ADGRL2: variants seen among roughly 807,000 people sequenced by gnomAD.
ADGRL2 encodes calcium-independent alpha-latrotoxin receptor 2.
ADGRL2 carries 44 observed loss-of-function variants against 157.4 expected under a neutral mutation model. The ratio of observed to expected loss-of-function variants is 0.28; its 90% CI spans 0.22 to 0.36. ADGRL2 has a LOEUF of 0.36. Ranked by LOEUF, ADGRL2 falls within the 10% of genes least tolerant of loss-of-function variation. The pLI, the probability that ADGRL2 is intolerant of heterozygous loss-of-function variation, is 1.00. For missense variants in ADGRL2, 1,510 were observed against 1,768.9 expected (o/e 0.85, Z 2.63); for synonymous variants, 585 against 624.7 (o/e 0.94, Z 0.95).
At chr1:81,518,924 T>G (rs1459082344) in intron 2 of ADGRL2, among the ~76,000 whole-genome samples, 1 of 152,236 alleles carries the variant, frequency 6.6e-6, no homozygotes, top group East Asian at 1.9e-4. Flanking sequence ...AGCATTACTT[T>G]TTTCTGTCTC....
intron 1 of ADGRL2, among the ~76,000 whole-genome samples, chr1:81,835,405 A>G (rs1037546019): frequency 1.3e-5 from 2 of 152,164 alleles, no homozygotes; most frequent in African/African-American, 4.8e-5. Context: ...CTGACTTTTT[A>G]AAATGCTTTA....
intron 1 of ADGRL2, among the ~76,000 whole-genome samples, chr1:81,801,779 C>T (rs2088194697): frequency 6.6e-6 from 1 of 152,180 alleles, no homozygotes; most frequent in Non-Finnish European, 1.5e-5. Context: ...CCTCGCGCCC[C>T]CGGCGCCCTC....
chr1:81,384,560 C>T (rs1226855937), intron 1 of ADGRL2, among the ~76,000 whole-genome samples: 1 of 152,140 alleles, frequency 6.6e-6, no homozygotes, highest in Admixed American at 6.5e-5. Context: ...AAAAATGAAT[C>T]ATTTTTCTTT....
intron 2 of ADGRL2, among the ~76,000 whole-genome samples, chr1:81,451,624 A>G (rs1400551669): frequency 1.3e-5 from 2 of 152,122 alleles, no homozygotes; most frequent in African/African-American, 4.8e-5. Context: ...AGTTCCTTAG[A>G]TTTATAAGAG....
chr1:81,953,451 A>T (rs564009109), intron 10 of ADGRL2, among the ~76,000 whole-genome samples: 8 of 152,284 alleles, frequency 5.3e-5, no homozygotes, highest in African/African-American at 1.7e-4. Flanking sequence ...TATACTCTTA[A>T]ATAAAATAGG....
At chr1:81,627,183 C>T (rs767628117) in intron 3 of ADGRL2, among the ~76,000 whole-genome samples, 37 of 151,970 alleles carry the variant, frequency 2.4e-4, no homozygotes, top group Non-Finnish European at 4.3e-4. Flanking sequence ...ATAACAAATG[C>T]GTGTATAAAG....
At chr1:81,786,261 A>G (rs2087040265) in intron 2 of ADGRL2, among the ~76,000 whole-genome samples, 1 of 152,240 alleles carries the variant, frequency 6.6e-6, no homozygotes, top group South Asian at 2.1e-4. Context: ...GAAATATAGC[A>G]TAAAATTTGG....
intron 3 of ADGRL2, among the ~76,000 whole-genome samples, chr1:81,913,048 C>G (rs144777454): frequency 0.011 from 1,718 of 152,178 alleles, 29 homozygotes; most frequent in African/African-American, 0.039. Context: ...CTATAAGCAA[C>G]AAAGCTGATT....
chr1:81,426,236 G>C (rs995887425), intron 1 of ADGRL2, among the ~76,000 whole-genome samples: 1 of 152,072 alleles, frequency 6.6e-6, no homozygotes, highest in Non-Finnish European at 1.5e-5. Flanking sequence ...GATTCTTCTT[G>C]GCCTCCAGGT....
intron 3 of ADGRL2, among the ~76,000 whole-genome samples, chr1:81,615,727 T>C (rs868105387): frequency 8.5e-5 from 13 of 152,220 alleles, no homozygotes; most frequent in Admixed American, 3.9e-4. Context: ...ATCTAAGTGA[T>C]AGACACTGCT....
Position 81,991,060 on chromosome 1 carries a change from G to A in ADGRL2, c.4325G>A (p.Gly1442Asp). The change falls in exon 24 of 24, where the codon GGT becomes GAT. Residue 1442 changes from glycine to aspartate, a missense_variant. This residue lies in a region of ADGRL2 where 327 missense variants were observed against 310.1 expected (regional missense o/e 1.05). Transcript: ENST00000686636. The part of the protein sequence containing the change: ...CYQISRGNSD[G>D]YIIPINKEGC... ...CAGATCAGCAGGGGCAATAGTGATG[G>A]TTATATAATCCCCATTAACAAAGAA... 6.2e-7 allele frequency: 1 copy of A among 1,613,752 alleles called. No individual in the cohort carries two copies.
chr1:81,446,183 G>A (rs1345586702), intron 2 of ADGRL2, among the ~76,000 whole-genome samples: 1 of 152,140 alleles, frequency 6.6e-6, no homozygotes, highest in Admixed American at 6.5e-5. Context: ...CGCTCTAGGT[G>A]GTGTGACGTG....
At chr1:81,352,759 G>A (rs931332231) in intron 1 of ADGRL2, among the ~76,000 whole-genome samples, 1 of 152,054 alleles carries the variant, frequency 6.6e-6, no homozygotes, top group Admixed American at 6.6e-5. Context: ...TGATGTAGAA[G>A]GGAGACATAT....
intron 2 of ADGRL2, chr1:81,515,014 T>A (rs1053824274): frequency 1.3e-5 from 2 of 152,240 alleles, no homozygotes; most frequent in Non-Finnish European, 2.9e-5. Flanking sequence ...ATATTGTTTA[T>A]AATTTAATGC....
chr1:81,918,398 A>G (rs1438278469), intron 3 of ADGRL2, among the ~76,000 whole-genome samples: 1 of 152,152 alleles, frequency 6.6e-6, no homozygotes, highest in East Asian at 1.9e-4. Context: ...ACATATATAT[A>G]TATAACATTA....
intron 1 of ADGRL2, among the ~76,000 whole-genome samples, chr1:81,329,861 C>T (rs1466987044): frequency 3.9e-5 from 6 of 152,098 alleles, no homozygotes; most frequent in Non-Finnish European, 7.4e-5. Context: ...GAAACATTAT[C>T]GTTACCAGTA....
chr1:81,555,580 TAC>T lies in ADGRL2; in HGVS notation c.-247-25295_-247-25294del, dbSNP rs1159187373. Among the ~76,000 whole-genome samples the T allele has an allele frequency of 2.6e-5, 4 of 152,112 alleles. No homozygotes were observed. The East Asian group carries it at 7.7e-4, about 29-fold the overall frequency. On this transcript the variant is annotated intron_variant, in intron 2 of 24. Coordinates refer to the ADGRL2 transcript ENST00000370721. ...CACTGTGCCCAGCCCTGATAGTCTC[TAC>T]TTCTTATTAGCAATTCGACAGAGAA...
At chr1:81,381,174 A>G (rs2076337869) in intron 1 of ADGRL2, among the ~76,000 whole-genome samples, 1 of 151,998 alleles carries the variant, frequency 6.6e-6, no homozygotes, top group African/African-American at 2.4e-5. Context: ...TTCTAGCTTT[A>G]TATTAAATAT....
chr1:81,894,921 G>T (rs186487198), intron 2 of ADGRL2, among the ~76,000 whole-genome samples: 1 of 152,074 alleles, frequency 6.6e-6, no homozygotes, highest in East Asian at 1.9e-4. Context: ...TGGGTAAAAG[G>T]TTACATGGCT....
Sources: allele counts gnomAD v4.1 joint callset (sites outside exome capture counted in the v4.1 genomes callset), GRCh38; gene constraint gnomAD v4.1.1; regional missense constraint gnomAD v4.1.1; transcripts MANE v1.5; gene names NCBI Gene and HGNC (gene_info 2026-07-23, HGNC 2026-07-21).